Variants in PIGO observed in about 807,000 individuals in gnomAD.
PIGO encodes phosphatidylinositol glycan anchor biosynthesis class O.
In PIGO, 66 loss-of-function variants were observed where a neutral mutation model predicts 86.9. The observed-to-expected ratio is 0.76, with a 90% CI of 0.62 to 0.93. The LOEUF (loss-of-function observed/expected upper bound fraction) is 0.93, where lower values mean the gene tolerates loss of function less well. Among genes scored for constraint, PIGO ranks in the 40% least tolerant of loss-of-function variants. The pLI is 0.00. For synonymous variants in PIGO, 570 were observed against 556.4 expected (o/e 1.02, Z -0.34); for missense variants, 1,202 against 1,359.1 (o/e 0.88, Z 1.82).
chr9:35,092,962 G>A, intron 6 of PIGO, 68 bp downstream of exon 6: 7 of 1,519,312 alleles, frequency 4.6e-6, no homozygotes, highest in Non-Finnish European at 4.5e-6. Flanking sequence ...GGACAAAAGA[G>A]TGGTTCATTA....
intron 7 of PIGO, chr9:35,090,882 G>T: frequency 1.7e-6 from 1 of 592,804 alleles, no homozygotes; most frequent in Non-Finnish European, 2.9e-6. Flanking sequence ...ATCCTGCTAT[G>T]GCCAATCTCT....
chr9:35,091,396 C>T lies in PIGO; in HGVS notation c.2491G>A (p.Val831Ile). 6.2e-7 allele frequency: 1 copy of T among 1,614,186 alleles called. No individual in the cohort carries two copies. ...LTVAAYQLGS[V>I]YSAAMVTALT... Reference sequence around the variant, plus strand: ...GCTGTGACCATAGCAGCTGAGTAGACACTCCCCAACTGATAAGCAGCCACA... The same window carrying T: ...GCTGTGACCATAGCAGCTGAGTAGATACTCCCCAACTGATAAGCAGCCACA... Residue 831 changes from valine (V) to isoleucine (I), a missense_variant, in exon 7 of 11, where the codon GTC (valine) becomes ATC (isoleucine). Coordinates refer to ENST00000378617, the MANE Select transcript of PIGO (RefSeq NM_032634.4).
Position 35,088,753 on chromosome 9 carries a change from C to T in PIGO, c.*339G>A, listed in dbSNP as rs1418250023. ...AGAGACGGGGTCTTGTTATGTTCCA[C>T]AGGCTGGTCTTGAACTCCTGGGACC... On this transcript the variant is annotated 3_prime_UTR_variant, in exon 11 of 11. Transcript: ENST00000378617. 4.2e-5 allele frequency: 9 copies of T among 212,980 alleles called. No homozygotes were observed. The highest frequency in any genetic ancestry group is 7.7e-5 in the Non-Finnish European group (8 of 104,200). 13.2% of individuals were successfully genotyped at this position (212,980 alleles called of 1,614,324 possible).
In PIGO at chr9:35,090,071, T is replaced by G. The variant is rs571533656; in HGVS notation, c.3064A>C (p.Ile1022Leu). The stretch of plus-strand genomic sequence containing the variant: ...GATCTCTCTCCTACACCCACCTGAA[T>G]ACCAAGGATAAAGAGGTACTTGAGG... ...LGLKYLFILG[I>L]QILACALAAS... Residue 1022 changes from isoleucine to leucine, a missense_variant, in exon 9 of 11, where the codon ATT becomes CTT. Transcript: ENST00000378617. 1 of 1,613,262 alleles carries G rather than the reference T, an allele frequency of 6.2e-7. No homozygotes were observed. The highest frequency in any genetic ancestry group is 1.3e-5 in the African/African-American group (1 of 75,032).
At position 35,089,327 on chromosome 9, in the gene PIGO, G is replaced by C. The variant is rs1587155426; in HGVS notation, c.3140+53C>G. 2.5e-6 allele frequency: 4 copies of C among 1,613,852 alleles called. No individual in the cohort carries two copies. The East Asian group carries it at 8.9e-5, about 36-fold the overall frequency. ...TGGATGTTTAGGATCTTCATACTTTGTTCCAAGTTTCTCCCTCCCCACCAC... is the reference window on the plus strand; with the variant it reads ...TGGATGTTTAGGATCTTCATACTTTCTTCCAAGTTTCTCCCTCCCCACCAC... On this transcript the variant is annotated intron_variant, in intron 10 of 10. Transcript: ENST00000378617.
At chr9:35,093,288 G>A in intron 5 of PIGO, 79 bp from the exon 6 acceptor site, 2 of 1,572,366 alleles carry the variant, frequency 1.3e-6, no homozygotes, top group Non-Finnish European at 1.7e-6. Flanking sequence ...TAGGGGCCTA[G>A]GTAAGAAATG....
Position 35,089,082 on chromosome 9 carries a change from A to G in PIGO, c.*10T>C, listed in dbSNP as rs756919705. 6.2e-6 allele frequency: 10 copies of G among 1,613,082 alleles called. No homozygotes were observed. The highest frequency in any genetic ancestry group is 7.6e-6 in the Non-Finnish European group (9 of 1,179,182). The stretch of plus-strand genomic sequence containing the variant: ...TCTCTGTAGCCAAGTGCCAGTAATC[A>G]CAGACTAGGCTACCTCTGCTGGGCC... On this transcript the variant is annotated 3_prime_UTR_variant, in exon 11 of 11. Coordinates refer to ENST00000378617, the MANE Select transcript of PIGO (RefSeq NM_032634.4).
chr9:35,090,825 TATTCTA>T lies in PIGO; in HGVS notation c.2648-159_2648-154del. The T allele has an allele frequency of 6.7e-6, 5 of 742,370 alleles. No homozygotes were observed. The Admixed American group carries it at 1.5e-4, about 22-fold the overall frequency. 46.0% of individuals were successfully genotyped at this position (742,370 alleles called of 1,614,324 possible). On this transcript the variant is annotated intron_variant, in intron 7 of 10. Transcript: ENST00000378617. ...AACCTCCTTACAGTCAACATTCTGTTATTCTAATTCTCTCTGTGGTACAAAAGCGCC... is the reference window on the plus strand; with the variant it reads ...AACCTCCTTACAGTCAACATTCTGTTATTCTCTCTGTGGTACAAAAGCGCC...
chr9:35,090,880 A>G (rs909386504), intron 7 of PIGO: 2 of 597,986 alleles, frequency 3.3e-6, no homozygotes, highest in Non-Finnish European at 5.8e-6. Flanking sequence ...GAATCCTGCT[A>G]TGGCCAATCT....
Position 35,093,453 on chromosome 9 carries a change from G to C in PIGO, c.907C>G (p.Pro303Ala), listed in dbSNP as rs1175305039. 6.2e-7 allele frequency: 1 copy of C among 1,614,148 alleles called. No homozygotes were observed. Among genetic ancestry groups the C allele is most frequent in the South Asian group, 1.1e-5 (1 of 91,088 alleles). Residue 303 changes from proline to alanine, a missense_variant, in exon 5 of 11, where the codon CCC (proline) becomes GCC (alanine). Transcript: ENST00000378617. The stretch of plus-strand genomic sequence containing the variant: ...GGGGTGCTGGGGAAGACTGCTGTGG[G>C]GCTATACAGAAAGAGAGCAGCTGAG... ...EVSAALFLYS[P>A]TAVFPSTPPE...
In PIGO at chr9:35,092,174, C is replaced by T; in HGVS notation, c.1713G>A (p.Arg571=). ...FSDSFVVAEA[R]ATPFLLGSFI... Reference sequence around the variant, plus strand: ...ATGAGCCCAAAAGGAAGGGGGTGGCCCTGGCCTCAGCTACAACAAAACTAT... The same window carrying T: ...ATGAGCCCAAAAGGAAGGGGGTGGCTCTGGCCTCAGCTACAACAAAACTAT... Residue 571 remains arginine, a synonymous_variant, in exon 7 of 11, where the codon AGG becomes AGA. Coordinates refer to ENST00000378617, the MANE Select transcript of PIGO (RefSeq NM_032634.4). 3.1e-6 allele frequency: 5 copies of T among 1,614,124 alleles called. No homozygotes were observed. Among genetic ancestry groups the T allele is most frequent in the Non-Finnish European group, 4.2e-6 (5 of 1,180,034 alleles).
chr9:35,091,112 C>A, intron 7 of PIGO, 128 bp downstream of exon 7: 1 of 1,079,302 alleles, frequency 9.3e-7, no homozygotes, highest in Non-Finnish European at 1.3e-6. Context: ...AGAAGACCTT[C>A]CTAGTTGTGT....
chr9:35,093,828 A>C, intron 4 of PIGO, 73 bp downstream of exon 4: 3 of 1,572,508 alleles, frequency 1.9e-6, no homozygotes, highest in Middle Eastern at 1.7e-4. Flanking sequence ...GCCAGGAAAG[A>C]AGCTCTAAGA....
At position 35,092,018 on chromosome 9, in the gene PIGO, C is replaced by T. The variant is rs1377334648; in HGVS notation, c.1869G>A (p.Arg623=). The T allele has an allele frequency of 3.1e-6, 5 of 1,614,100 alleles. No individual in the cohort carries two copies. The highest frequency in any genetic ancestry group is 2.2e-5 in the East Asian group (1 of 44,896). The part of the protein sequence containing the change: ...PPRHNGAYAL[R]LGIGLLLCTR... ...TACATAAAAGCAACCCAATTCCAAG[C>T]CTCAGGGCATATGCACCATTGTGCC... is the stretch of plus-strand genomic sequence containing the variant. Residue 623 remains arginine (R), a synonymous_variant, in exon 7 of 11, where the codon AGG becomes AGA. Coordinates refer to ENST00000378617, the MANE Select transcript of PIGO (RefSeq NM_032634.4).
rs1204098395 is a variant in PIGO, at chr9:35,095,536, C to T, written c.30G>A (p.Leu10=). The change falls in exon 2 of 11, where the codon CTG becomes CTA. Residue 10 remains leucine (L), a synonymous_variant. Coordinates refer to ENST00000378617, the MANE Select transcript of PIGO (RefSeq NM_032634.4). ...CGTAGAAGAGGAAGCAGACCCAGGC[C>T]AGGAAGAGCAACACTGAGGCTTTCT... is the stretch of plus-strand genomic sequence containing the variant. MQKASVLLF[L]AWVCFLFYAG... is the part of the protein sequence containing the mutation. The T allele has an allele frequency of 6.3e-7, 1 of 1,593,546 alleles. No homozygotes were observed. The highest frequency in any genetic ancestry group is 1.3e-5 in the African/African-American group (1 of 74,238).
At chr9:35,094,179 C>T in intron 3 of PIGO, 37 bp downstream of exon 3, 1 of 1,571,082 alleles carries the variant, frequency 6.4e-7, no homozygotes, top group Non-Finnish European at 8.6e-7. Context: ...TCCCCAGCTC[C>T]CAGTCTTAGA....
In PIGO at chr9:35,092,226, A is replaced by G; in HGVS notation, c.1661T>C (p.Leu554Pro). 1 of 1,614,234 alleles carries G rather than the reference A, an allele frequency of 6.2e-7. No individual in the cohort carries two copies. ...PIPGPVLLLL[L>P]FRLAVFFSDS... The stretch of plus-strand genomic sequence containing the variant: ...AGAGAAGAACACAGCCAAGCGAAAC[A>G]GCAGGAGTAACAGGACGGGCCCAGG... Residue 554 changes from leucine to proline, a missense_variant, in exon 7 of 11, where the codon CTG (leucine) becomes CCG (proline). By Grantham distance (98) the Leu-to-Pro change is moderately conservative. Coordinates refer to ENST00000378617, the MANE Select transcript of PIGO (RefSeq NM_032634.4).
At position 35,091,597 on chromosome 9, in the gene PIGO, T is replaced by C; in HGVS notation, c.2290A>G (p.Thr764Ala). The stretch of plus-strand genomic sequence containing the variant: ...CCTGCCCCAGCCTTCACCAGCACTG[T>C]CACAGGCTTCCAGAGCAGCAGCGCG... ...GLALLLWKPV[T>A]VLVKAGAGAP... Residue 764 changes from threonine (T) to alanine (A), a missense_variant, in exon 7 of 11, where the codon ACA (threonine) becomes GCA (alanine). Physicochemically the swap from Thr to Ala is moderately conservative, Grantham distance 58. Transcript: ENST00000378617. 6.2e-7 allele frequency: 1 copy of C among 1,613,832 alleles called. No homozygotes were observed. Among genetic ancestry groups the C allele is most frequent in the South Asian group, 1.1e-5 (1 of 91,080 alleles).
In PIGO at chr9:35,090,480, T is replaced by G; in HGVS notation, c.2840A>C (p.His947Pro). 6.2e-7 allele frequency: 1 copy of G among 1,609,466 alleles called. No homozygotes were observed. Among genetic ancestry groups the G allele is most frequent in the Non-Finnish European group, 8.5e-7 (1 of 1,176,756 alleles). The change falls in exon 8 of 11, where the codon CAC becomes CCC. Residue 947 changes from histidine (H) to proline (P), a missense_variant. Coordinates refer to ENST00000378617, the MANE Select transcript of PIGO (RefSeq NM_032634.4). ...LLVGANTFAS[H>P]LLFAVGCPLL... ...GGAGGGGGTACCTGCAAAGAGGAGG[T>G]GGGAGGCAAAGGTGTTGGCTCCCAC...
Sources: allele counts gnomAD v4.1 joint callset, GRCh38; gene constraint gnomAD v4.1.1; transcripts MANE v1.5; gene names NCBI Gene and HGNC (gene_info 2026-07-23, HGNC 2026-07-21).